KNL1: variants seen among roughly 807,000 people sequenced by gnomAD.
The protein encoded by KNL1 is kinetochore scaffold 1, also known as outer kinetochore KNL1 complex subunit KNL1.
In KNL1, 66 loss-of-function variants were observed where a neutral mutation model predicts 201.3. The observed-to-expected ratio is 0.33, with a 90% CI of 0.27 to 0.40. The LOEUF (loss-of-function observed/expected upper bound fraction) is 0.40, where lower values mean the gene tolerates loss of function less well. Among genes scored for constraint, KNL1 ranks in the 10% least tolerant of loss-of-function variants. The pLI, the probability that KNL1 is intolerant of heterozygous loss-of-function variation, is 1.00. For synonymous variants in KNL1, 895 were observed against 899.2 expected (o/e 1.00, Z 0.08); for missense variants, 2,815 against 2,690.5 (o/e 1.05, Z -1.02).
chr15:40,602,307 T>TC (rs1891829481), intron 1 of KNL1, among the ~76,000 whole-genome samples: 1 of 149,110 alleles, frequency 6.7e-6, no homozygotes, highest in African/African-American at 2.5e-5. Context: ...TGCTGTATTT[T>TC]TTTTTTTTTC....
At chr15:40,661,491 G>A (rs1893907643) in intron 25 of KNL1, among the ~76,000 whole-genome samples, 1 of 152,096 alleles carries the variant, frequency 6.6e-6, no homozygotes, top group Non-Finnish European at 1.5e-5. Flanking sequence ...GCAAGACTCT[G>A]GGGGTGGGGA....
In KNL1 at chr15:40,622,489, A is replaced by G. The variant is rs1251408842; in HGVS notation, c.2225A>G (p.Asn742Ser). ...LAEPLRKSLS[N>S]PTPDYCHDKM... is the part of the protein sequence containing the mutation. Reference sequence around the variant, plus strand: ...GAGCCACTGAGGAAAAGTTTAAGCAATCCCACACCTGACTATTGCCATGAC... The same window carrying G: ...GAGCCACTGAGGAAAAGTTTAAGCAGTCCCACACCTGACTATTGCCATGAC... The change falls in exon 10 of 26, where the codon AAT (asparagine) becomes AGT (serine). Residue 742 changes from asparagine to serine, a missense_variant. By Grantham distance (46) the Asn-to-Ser change is conservative. This residue lies in a region of KNL1 where 2,464 missense variants were observed against 2,291.7 expected (regional missense o/e 1.08). Transcript: ENST00000399668. 1.2e-6 allele frequency: 2 copies of G among 1,614,050 alleles called. No homozygotes were observed. Among genetic ancestry groups the G allele is most frequent in the Non-Finnish European group, 1.7e-6 (2 of 1,179,934 alleles).
chr15:40,647,167 C>A, intron 17 of KNL1, 93 bp downstream of exon 17: 1 of 699,020 alleles, frequency 1.4e-6, no homozygotes, highest in Non-Finnish European at 2.6e-6. Context: ...ATATTGAAGA[C>A]TTGTATTAGC....
chr15:40,618,794 T>C (rs1296976158), intron 8 of KNL1, among the ~76,000 whole-genome samples, 165 bp from the exon 9 acceptor site: 1 of 152,210 alleles, frequency 6.6e-6, no homozygotes, highest in Non-Finnish European at 1.5e-5. Context: ...ACAACAATGA[T>C]GTATCAATTT....
At position 40,632,136 on chromosome 15, in the gene KNL1, A is replaced by G. The variant is rs950428019; in HGVS notation, c.5682+2765A>G. Reference sequence around the variant, plus strand: ...CACAGTGGCTGGTGTCTGTAATTCTAGCTATGTGGGAGGCTGAGGAGGGAA... The same window carrying G: ...CACAGTGGCTGGTGTCTGTAATTCTGGCTATGTGGGAGGCTGAGGAGGGAA... On this transcript the variant is annotated intron_variant, in intron 13 of 25. Transcript: ENST00000399668. 5.9e-5 allele frequency among the ~76,000 whole-genome samples: 9 copies of G among 152,144 alleles called. No homozygotes were observed. The South Asian group carries it at 1.9e-3, about 32-fold the overall frequency.
intron 25 of KNL1, among the ~76,000 whole-genome samples, chr15:40,660,218 C>T (rs1041323668): frequency 6.6e-6 from 1 of 151,962 alleles, no homozygotes; most frequent in African/African-American, 2.4e-5. Flanking sequence ...AGTTATTGAC[C>T]TTCATTGCTA....
At chr15:40,659,729 C>G (rs1185450520) in intron 25 of KNL1, among the ~76,000 whole-genome samples, 1 of 152,106 alleles carries the variant, frequency 6.6e-6, no homozygotes, top group East Asian at 1.9e-4. Context: ...GTCCGCCCAC[C>G]TCGGCCTCCC....
At chr15:40,635,789 AC>A (rs1893040244) in intron 13 of KNL1, among the ~76,000 whole-genome samples, 1 of 151,964 alleles carries the variant, frequency 6.6e-6, no homozygotes, top group Non-Finnish European at 1.5e-5. Flanking sequence ...GAGGCCCATG[AC>A]CCCCTGCATG....
At position 40,620,700 on chromosome 15, in the gene KNL1, T is replaced by C; in HGVS notation, c.436T>C (p.Ser146Pro). Residue 146 changes from serine (S) to proline (P), a missense_variant, in exon 10 of 26, where the codon TCA (serine) becomes CCA (proline). Transcript: ENST00000399668. ...KHANDQTVIF[S>P]DENQMDLTSS... Reference sequence around the variant, plus strand: ...TGCAAATGACCAGACAGTCATTTTTTCAGATGAAAACCAGATGGACCTGAC... The same window carrying C: ...TGCAAATGACCAGACAGTCATTTTTCCAGATGAAAACCAGATGGACCTGAC... 3.1e-6 allele frequency: 5 copies of C among 1,603,708 alleles called. No homozygotes were observed. The highest frequency in any genetic ancestry group is 4.2e-6 in the Non-Finnish European group (5 of 1,177,360).
chr15:40,594,692 C>CG (rs1447551694), intron 1 of KNL1, among the ~76,000 whole-genome samples: 1 of 152,224 alleles, frequency 6.6e-6, no homozygotes, highest in East Asian at 1.9e-4. Context: ...TCTTCCGCCC[C>CG]GCCCTGCCGT....
At position 40,652,124 on chromosome 15, in the gene KNL1, A is replaced by G. The variant is rs1703915106; in HGVS notation, c.6415+19A>G. ...TCAGTTGGTAAGGAGCCAAAGTGAG[A>G]TAATTCTTTTACAGAAAAATGAATG... is the stretch of plus-strand genomic sequence containing the variant. On this transcript the variant is annotated intron_variant, in intron 21 of 25. Transcript: ENST00000399668. 3.9e-6 allele frequency: 6 copies of G among 1,530,940 alleles called. No individual in the cohort carries two copies. The highest frequency in any genetic ancestry group is 5.4e-6 in the Non-Finnish European group (6 of 1,105,708). The allele number at this position is 1,530,940 out of a possible 1,614,324, so 94.8% of individuals were successfully genotyped here.
rs749142364 is a variant in KNL1 at position 40,650,557 on chromosome 15, G to A, written c.6186G>A (p.Leu2062=). ...CTGTTTCCAAAGAATTGGAACAGCT[G>A]AAAACTGAAGAAGAGGAGCTTCAAA... ...MRAAEKELEQ[L]KTEEEELQRN... Residue 2062 remains leucine (L), a synonymous_variant, in exon 19 of 26, where the codon CTG becomes CTA. Coordinates refer to ENST00000399668, the MANE Select transcript of KNL1 (RefSeq NM_144508.5). The A allele has an allele frequency of 3.2e-6, 5 of 1,556,628 alleles. No individual in the cohort carries two copies. Among genetic ancestry groups the A allele is most frequent in the African/African-American group, 2.8e-5 (2 of 71,226 alleles).
At chr15:40,645,824 T>G (rs759238015) in intron 16 of KNL1, 52 bp downstream of exon 16, 8 of 957,488 alleles carry the variant, frequency 8.4e-6, no homozygotes, top group Non-Finnish European at 1.2e-5. Context: ...AAAATTACTT[T>G]CTAATGGTTA....
In KNL1 at chr15:40,629,389, G is replaced by A; in HGVS notation, c.5682+18G>A. On this transcript the variant is annotated intron_variant, in intron 13 of 25. Coordinates refer to ENST00000399668, the MANE Select transcript of KNL1 (RefSeq NM_144508.5). ...CAGGCAATGTAAGTGCAGTTTCTTG[G>A]CAAAATGTTTGCATCAAAGCAAACA... is the stretch of plus-strand genomic sequence containing the variant. The A allele has an allele frequency of 1.3e-6, 2 of 1,513,486 alleles. No homozygotes were observed. Among genetic ancestry groups the A allele is most frequent in the African/African-American group, 1.5e-5 (1 of 66,782 alleles). 93.8% of individuals were successfully genotyped at this position (1,513,486 alleles called of 1,614,324 possible).
intron 5 of KNL1, among the ~76,000 whole-genome samples, chr15:40,609,182 A>G (rs1036561822): frequency 2.0e-5 from 3 of 149,200 alleles, no homozygotes; most frequent in Non-Finnish European, 3.0e-5. Context: ...TTGAAGCCAG[A>G]GGATTGCTTG....
intron 16 of KNL1, 106 bp from the exon 17 acceptor site, chr15:40,646,881 T>C: frequency 4.6e-6 from 2 of 437,948 alleles, no homozygotes; most frequent in South Asian, 7.2e-5. Context: ...AAAAAAAAGA[T>C]TTGCCTGTTT....
chr15:40,628,345 T>G (rs2141730960), intron 11 of KNL1, 137 bp downstream of exon 11: 1 of 850,768 alleles, frequency 1.2e-6, no homozygotes, highest in East Asian at 2.7e-5. Flanking sequence ...TAAAATAATA[T>G]TTAGTTTATT....
chr15:40,627,598 T>G, intron 10 of KNL1, among the ~76,000 whole-genome samples: 1 of 151,270 alleles, frequency 6.6e-6, no homozygotes, highest in East Asian at 1.9e-4. Context: ...ATGGTTAAAA[T>G]AGTAAAAGCA....
At chr15:40,608,048 A>G (rs1324023077) in intron 4 of KNL1, among the ~76,000 whole-genome samples, 1 of 152,234 alleles carries the variant, frequency 6.6e-6, no homozygotes, top group African/African-American at 2.4e-5. Context: ...AAGCAACTCA[A>G]GTGTCCATTG....
Sources: gnomAD v4.1 joint callset for allele counts (sites outside exome capture counted in the v4.1 genomes callset) on GRCh38, gnomAD v4.1.1 for gene constraint, gnomAD v4.1.1 regional missense constraint, MANE v1.5 for transcripts, NCBI Gene and HGNC (gene_info 2026-07-23, HGNC 2026-07-21) for gene names.